The following NRP2 variants were observed in gnomAD, a reference collection of about 807,000 sequenced individuals.
NRP2 encodes the protein neuropilin-2.
A neutral mutation model predicts 110.4 loss-of-function variants in NRP2; 52 were observed. The observed-to-expected ratio is 0.47, with a 90% confidence interval of 0.38 to 0.59. NRP2 has a LOEUF of 0.59. Among genes scored for constraint, NRP2 ranks in the 20% least tolerant of loss-of-function variants. The pLI, the probability that NRP2 is intolerant of heterozygous loss-of-function variation, is 0.00. For missense variants in NRP2, 1,049 were observed against 1,203.0 expected, an observed-to-expected ratio of 0.87 and a Z score of 1.89; for synonymous variants, 508 against 468.9, an observed-to-expected ratio of 1.08 and a Z score of -1.08.
At chr2:205,730,034 T>C (rs2057206056) in intron 7 of NRP2, among the ~76,000 whole-genome samples, 1 of 152,132 alleles carries the variant, frequency 6.6e-6, no homozygotes, top group Admixed American at 6.5e-5. Context: ...CTCTTCCCCA[T>C]TAGAAATTCA....
chr2:205,711,674 G>A (rs577234515), intron 2 of NRP2, among the ~76,000 whole-genome samples: 1 of 152,342 alleles, frequency 6.6e-6, no homozygotes, highest in Admixed American at 6.5e-5. Flanking sequence ...GACTTGGGCA[G>A]AGATGTTCTG....
chr2:205,727,848 T>C, intron 6 of NRP2, 43 bp from the exon 7 acceptor site: 3 of 1,587,044 alleles, frequency 1.9e-6, no homozygotes, highest in Non-Finnish European at 1.7e-6. Flanking sequence ...CACTGCCCTG[T>C]GTTGGGAATG....
chr2:205,696,970 A>G (rs2056442164), intron 1 of NRP2, among the ~76,000 whole-genome samples: 1 of 152,114 alleles, frequency 6.6e-6, no homozygotes, highest in South Asian at 2.1e-4. Context: ...AAAGGCTGCA[A>G]TCACCCTCCA....
chr2:205,749,841 G>A lies in NRP2; in HGVS notation c.1903G>A (p.Asp635Asn), dbSNP rs965030229. Residue 635 changes from aspartate to asparagine, a missense_variant and splice_region_variant, in exon 11 of 17, where the codon GAC (aspartate) becomes AAC (asparagine). Asp to Asn is a conservative substitution (Grantham distance 23). Transcript: ENST00000357785. ...ECGENCSFED[D>N]KDLQLPSGFN... is the part of the protein sequence containing the mutation. Reference sequence around the variant, plus strand: ...TGGGGAGAACTGCAGCTTTGAGGATGGTAAGCACAAATTGCCTCCAGATGG... The same window carrying A: ...TGGGGAGAACTGCAGCTTTGAGGATAGTAAGCACAAATTGCCTCCAGATGG... 1.2e-6 allele frequency: 2 copies of A among 1,612,390 alleles called. No homozygotes were observed. Among genetic ancestry groups the A allele is most frequent in the African/African-American group, 2.7e-5 (2 of 74,904 alleles).
intron 2 of NRP2, among the ~76,000 whole-genome samples, chr2:205,715,314 C>T (rs1486532562): frequency 6.6e-6 from 1 of 152,086 alleles, no homozygotes; most frequent in African/African-American, 2.4e-5. Flanking sequence ...CTTTGAGGTG[C>T]CTGCTTCCCA....
At position 205,794,847 on chromosome 2, in the gene NRP2, T is replaced by C. The variant is rs762393568; in HGVS notation, c.2570T>C (p.Leu857Pro). 1 of 1,614,222 alleles carries C rather than the reference T, an allele frequency of 6.2e-7. No homozygotes were observed. The highest frequency in any genetic ancestry group is 1.7e-5 in the Admixed American group (1 of 60,022). The stretch of plus-strand genomic sequence containing the variant: ...AAAGAAAAGAGCTGGCTGTACACCC[T>C]GGATCCCATCCTCATCACCATCATC... ...TDKEKSWLYT[L>P]DPILITIIAM... is the part of the protein sequence containing the mutation. The change falls in exon 17 of 17, where the codon CTG (leucine) becomes CCG (proline). Residue 857 changes from leucine to proline, a missense_variant. By Grantham distance (98) the Leu-to-Pro change is moderately conservative. Transcript: ENST00000357785.
intron 2 of NRP2, 59 bp downstream of exon 2, chr2:205,697,780 C>G (rs571065055): frequency 6.6e-7 from 1 of 1,505,440 alleles, no homozygotes; most frequent in East Asian, 2.3e-5. Flanking sequence ...GCCCTGCCCC[C>G]ACCCCTGCTC....
intron 9 of NRP2, 24 bp from the exon 10 acceptor site, chr2:205,745,722 G>A: frequency 6.2e-7 from 1 of 1,613,828 alleles, no homozygotes; most frequent in Non-Finnish European, 8.5e-7. Flanking sequence ...CACCAGAAGG[G>A]CTGAGTGGCC....
chr2:205,728,621 C>T (rs886974603), intron 7 of NRP2, among the ~76,000 whole-genome samples: 2 of 152,188 alleles, frequency 1.3e-5, no homozygotes, highest in South Asian at 2.1e-4. Context: ...CTGCGGCTCC[C>T]GGAGGTGTGG....
intron 15 of NRP2, among the ~76,000 whole-genome samples, chr2:205,790,331 T>A (rs909538210): frequency 6.6e-6 from 1 of 152,226 alleles, no homozygotes; most frequent in African/African-American, 2.4e-5. Flanking sequence ...CTTTTTCCTT[T>A]AAGATCAATG....
In NRP2 at chr2:205,732,000, C is replaced by T. The variant is rs191093178; in HGVS notation, c.1146+3954C>T. On this transcript the variant is annotated intron_variant, in intron 7 of 16. Transcript: ENST00000357785. The stretch of plus-strand genomic sequence containing the variant: ...ACTAGGAAACTGGAGCCTGCATGGA[C>T]GGCGCCTGGTCACCAGACTTGGATG... 3.1e-3 allele frequency among the ~76,000 whole-genome samples: 465 copies of T among 152,304 alleles called. 3 individuals are homozygous for T. Among genetic ancestry groups the T allele is most frequent in the Admixed American group, 4.7e-3 (72 of 15,304 alleles).
At chr2:205,739,506 C>T (rs138945947) in intron 7 of NRP2, among the ~76,000 whole-genome samples, 29 of 152,272 alleles carry the variant, frequency 1.9e-4, no homozygotes, top group African/African-American at 7.0e-4. Flanking sequence ...TCTAGTTCTC[C>T]TAAGCAGGAG....
chr2:205,754,946 C>T (rs1173519533), intron 12 of NRP2, among the ~76,000 whole-genome samples: 5 of 152,128 alleles, frequency 3.3e-5, no homozygotes, highest in Non-Finnish European at 7.3e-5. Context: ...ATGATTCTGG[C>T]CTCCTCCCTT....
chr2:205,750,714 T>C (rs1475762397), intron 11 of NRP2, among the ~76,000 whole-genome samples: 3 of 152,208 alleles, frequency 2.0e-5, no homozygotes, highest in Non-Finnish European at 2.9e-5. Flanking sequence ...TTACTGATCA[T>C]TATTAAATGT....
Position 205,728,032 on chromosome 2 carries a change from G to T in NRP2, c.1132G>T (p.Gly378Cys). 6.2e-7 allele frequency: 1 copy of T among 1,614,118 alleles called. No individual in the cohort carries two copies. The highest frequency in any genetic ancestry group is 8.5e-7 in the Non-Finnish European group (1 of 1,180,034). The change falls in exon 7 of 17, where the codon GGC becomes TGC. Residue 378 changes from glycine to cysteine, a missense_variant. Coordinates refer to ENST00000357785, the MANE Select transcript of NRP2 (RefSeq NM_003872.3). ...NGEDWMVYRH[G>C]KNHKVFQANN... ...AGAGGACTGGATGGTGTACCGGCATGGCAAAAACCACAAGGTAAATCCATG... is the reference window on the plus strand; with the variant it reads ...AGAGGACTGGATGGTGTACCGGCATTGCAAAAACCACAAGGTAAATCCATG...
intron 15 of NRP2, among the ~76,000 whole-genome samples, chr2:205,780,759 GC>G (rs746761045): frequency 6.6e-6 from 1 of 152,178 alleles, no homozygotes; most frequent in Non-Finnish European, 1.5e-5. Context: ...AGGAAGGAGT[GC>G]TTTTTACAGC....
intron 1 of NRP2, among the ~76,000 whole-genome samples, chr2:205,690,579 T>TACACACACACAC (rs10591632): frequency 3.2e-5 from 4 of 124,184 alleles, no homozygotes; most frequent in African/African-American, 9.3e-5. Flanking sequence ...CTGCTAAAAA[T>TACACACACACAC]ACACACACAC....
intron 1 of NRP2, chr2:205,685,948 C>G (rs755156320): frequency 1.3e-5 from 2 of 152,300 alleles, no homozygotes; most frequent in Non-Finnish European, 2.9e-5. Context: ...CAGCGCCCGC[C>G]GGTGCGCAGG....
chr2:205,729,564 G>A (rs973009282), intron 7 of NRP2, among the ~76,000 whole-genome samples: 10 of 152,196 alleles, frequency 6.6e-5, no homozygotes, highest in Admixed American at 1.3e-4. Flanking sequence ...TGGTCCCCGG[G>A]GAGAGGAGTG....
Sources: allele counts gnomAD v4.1 joint callset (sites outside exome capture counted in the v4.1 genomes callset), GRCh38; gene constraint gnomAD v4.1.1; transcripts MANE v1.5; gene names NCBI Gene and HGNC (gene_info 2026-07-23, HGNC 2026-07-21).